LUC7L: variants seen among roughly 807,000 people sequenced by gnomAD.
The protein encoded by LUC7L is putative RNA-binding protein Luc7-like 1.
Under a neutral mutation model 51.1 loss-of-function variants are expected in LUC7L, and 29 were observed. The observed-to-expected ratio is 0.57, with a 90% CI of 0.42 to 0.77. The LOEUF is 0.77. Ranked by LOEUF, LUC7L falls within the 30% of genes least tolerant of loss-of-function variation. LUC7L has a pLI of 0.00. For synonymous variants in LUC7L, 181 were observed against 180.7 expected (o/e 1.00, Z -0.01); for missense variants, 403 against 511.9 (o/e 0.79, Z 2.05).
chr16:201,435 T>C (rs1402267301), intron 5 of LUC7L, among the ~76,000 whole-genome samples: 1 of 151,782 alleles, frequency 6.6e-6, no homozygotes, highest in Non-Finnish European at 1.5e-5. Flanking sequence ...TGATTCCATT[T>C]ACATAACTTT....
chr16:229,224 C>A (rs2050211162), intron 1 of LUC7L, 55 bp downstream of exon 1: 1 of 1,510,548 alleles, frequency 6.6e-7, no homozygotes, highest in Non-Finnish European at 8.8e-7. Context: ...GGCCGCCCGG[C>A]GGCCTCGCCT....
At chr16:221,346 A>C (rs983225589) in intron 2 of LUC7L, among the ~76,000 whole-genome samples, 11 of 151,256 alleles carry the variant, frequency 7.3e-5, no homozygotes, top group African/African-American at 2.4e-4. Context: ...TGCCTGGCCC[A>C]GTTTTATTTA....
At chr16:216,391 T>G (rs1198401154) in intron 3 of LUC7L, among the ~76,000 whole-genome samples, 1 of 149,210 alleles carries the variant, frequency 6.7e-6, no homozygotes, top group Non-Finnish European at 1.5e-5. Context: ...TTTTTTTTTT[T>G]TTTTTTTTTG....
intron 5 of LUC7L, among the ~76,000 whole-genome samples, chr16:203,029 T>A (rs1052223409): frequency 6.6e-6 from 1 of 152,064 alleles, no homozygotes; most frequent in Admixed American, 6.6e-5. Flanking sequence ...CAGGCACCTG[T>A]AATCTCAGCT....
intron 2 of LUC7L, among the ~76,000 whole-genome samples, chr16:224,735 A>T (rs1203303414): frequency 6.6e-6 from 1 of 152,090 alleles, no homozygotes; most frequent in Admixed American, 6.6e-5. Context: ...CAGGAGGCTG[A>T]GGCAGGAGAG....
intron 1 of LUC7L, chr16:228,111 G>A (rs1029573813): frequency 8.7e-7 from 1 of 1,152,954 alleles, no homozygotes; most frequent in South Asian, 1.8e-5. Flanking sequence ...TAAAAGTAAA[G>A]GTAAAGTGGT....
intron 3 of LUC7L, among the ~76,000 whole-genome samples, chr16:219,590 G>A (rs1272731194): frequency 6.6e-6 from 1 of 150,834 alleles, no homozygotes; most frequent in Non-Finnish European, 1.5e-5. Flanking sequence ...AAAAGAAAAA[G>A]AAGCTAGGCA....
intron 1 of LUC7L, chr16:228,106 G>T: frequency 8.7e-7 from 1 of 1,149,082 alleles, no homozygotes; most frequent in East Asian, 6.4e-5. Context: ...ATACATAAAA[G>T]TAAAGGTAAA....
At chr16:193,153 C>CA (rs1024757660) in intron 6 of LUC7L, 138 bp from the exon 7 acceptor site, 16 of 672,764 alleles carry the variant, frequency 2.4e-5, no homozygotes, top group Non-Finnish European at 3.6e-5. Flanking sequence ...AATGGGAATA[C>CA]TTTTTTTTTT....
intron 1 of LUC7L, 43 bp downstream of exon 1, chr16:229,236 A>C (rs1305475974): frequency 2.0e-6 from 3 of 1,513,628 alleles, no homozygotes; most frequent in East Asian, 2.6e-5. Flanking sequence ...GCCTCGCCTC[A>C]CTCCCACCCC....
At position 213,033 on chromosome 16, in the gene LUC7L, C is replaced by T. The variant is rs192366885; in HGVS notation, c.256-4845G>A. ...CCGGCCTCTGCCTCCCACCAAAGTA[C>T]TGGGATTACAGGCGTGAGCGCACAC... is the stretch of plus-strand genomic sequence containing the variant. On this transcript the variant is annotated intron_variant, in intron 3 of 9. Coordinates refer to ENST00000293872, the MANE Select transcript of LUC7L (RefSeq NM_201412.3). Among the ~76,000 whole-genome samples, 39 of 152,278 alleles carry T rather than the reference C, an allele frequency of 2.6e-4. 1 individual carries two copies. Among genetic ancestry groups the T allele is most frequent in the Admixed American group, 2.4e-3 (37 of 15,286 alleles).
In LUC7L at chr16:229,283, C is replaced by T. The variant is rs972994693; in HGVS notation, c.57G>A (p.Arg19=). The T allele has an allele frequency of 2.6e-6, 4 of 1,538,284 alleles. No homozygotes were observed. Among genetic ancestry groups the T allele is most frequent in the Non-Finnish European group, 3.5e-6 (4 of 1,149,788 alleles). Residue 19 remains arginine (R), a synonymous_variant, in exon 1 of 10, where the codon CGG becomes CGA. Coordinates refer to ENST00000293872, the MANE Select transcript of LUC7L (RefSeq NM_201412.3). ...ALLDQLMGTA[R]DGDETRQRVK... is the part of the protein sequence containing the mutation. ...TGGTTGGCCGCTCTGACTCACCGTCCCGAGCCGTGCCCATGAGCTGGTCCA... is the reference window on the plus strand; with the variant it reads ...TGGTTGGCCGCTCTGACTCACCGTCTCGAGCCGTGCCCATGAGCTGGTCCA...
intron 7 of LUC7L, among the ~76,000 whole-genome samples, chr16:192,687 G>GAGA (rs2049040964): frequency 6.6e-6 from 1 of 152,014 alleles, no homozygotes; most frequent in African/African-American, 2.4e-5. Context: ...ATTTTTAGTA[G>GAGA]AGACAAGGTT....
At chr16:205,976 C>A in intron 5 of LUC7L, 28 bp downstream of exon 5, 1 of 1,589,682 alleles carries the variant, frequency 6.3e-7, no homozygotes, top group Non-Finnish European at 8.5e-7. Flanking sequence ...TAAGATTTCT[C>A]TTGCCCTAAG....
At position 190,788 on chromosome 16, in the gene LUC7L, GA is replaced by G; in HGVS notation, c.777-219del. 5 of 547,764 alleles carry G rather than the reference GA, an allele frequency of 9.1e-6. No individual in the cohort carries two copies. In the South Asian group the frequency reaches 1.3e-4, roughly 14 times the overall value. The allele number at this position is 547,764 out of a possible 1,614,324, so 33.9% of individuals were successfully genotyped here. A position where few individuals can be genotyped will look rare whatever the true frequency, so the allele number is the denominator to read the frequency against. ...CCAGCTACTCAGGAGACTGAGGCAG[GA>G]AAATCACTTTAACCTAGGAGGCAGA... On this transcript the variant is annotated intron_variant, in intron 7 of 9. Transcript: ENST00000293872.
At position 229,353 on chromosome 16, in the gene LUC7L, G is replaced by A; in HGVS notation, c.-14C>T. The stretch of plus-strand genomic sequence containing the variant: ...CTGGGCGGACATGGTAGCCGGCGGA[G>A]GCGACGGGGTCGGCCGCGACGACTT... On this transcript the variant is annotated 5_prime_UTR_variant, in exon 1 of 10. Coordinates refer to ENST00000293872, the MANE Select transcript of LUC7L (RefSeq NM_201412.3). 4 of 1,496,904 alleles carry A rather than the reference G, an allele frequency of 2.7e-6. No homozygotes were observed. The highest frequency in any genetic ancestry group is 1.9e-4 in the Middle Eastern group (1 of 5,374). The allele number at this position is 1,496,904 out of a possible 1,614,324, so 92.7% of individuals were successfully genotyped here. A position where few individuals can be genotyped will look rare whatever the true frequency, so the allele number is the denominator to read the frequency against.
chr16:196,286 T>G (rs925736288), intron 6 of LUC7L, among the ~76,000 whole-genome samples: 1 of 151,908 alleles, frequency 6.6e-6, no homozygotes, highest in Non-Finnish European at 1.5e-5. Flanking sequence ...TGCACGCCTA[T>G]AGTACCAGCT....
chr16:207,003 T>C (rs1360274891), intron 4 of LUC7L, among the ~76,000 whole-genome samples: 1 of 147,256 alleles, frequency 6.8e-6, no homozygotes, highest in Non-Finnish European at 1.5e-5. Context: ...ATCGAGACCA[T>C]CCTGGCTAAC....
At chr16:199,860 C>T (rs55711708) in intron 5 of LUC7L, among the ~76,000 whole-genome samples, 1 of 150,964 alleles carries the variant, frequency 6.6e-6, no homozygotes, top group African/African-American at 2.4e-5. Flanking sequence ...TGTGGTGGCA[C>T]ATGCCTGTAG....
Sources: gnomAD v4.1 joint callset for allele counts (sites outside exome capture counted in the v4.1 genomes callset) on GRCh38, gnomAD v4.1.1 for gene constraint, MANE v1.5 for transcripts, NCBI Gene and HGNC (gene_info 2026-07-23, HGNC 2026-07-21) for gene names.